The following NPIPB7 variants were observed in gnomAD, a reference collection of about 807,000 sequenced individuals.
NPIPB7 encodes the protein nuclear pore complex interacting protein family member B7.
For synonymous variants in NPIPB7, 9 were observed against 88.1 expected (o/e 0.10, Z 5.03); for missense variants, 14 against 238.5 (o/e 0.06, Z 6.20).
intron 1 of NPIPB7, among the ~76,000 whole-genome samples, chr16:28,469,116 T>C (rs2141684499): frequency 9.0e-6 from 1 of 110,858 alleles, no homozygotes; most frequent in East Asian, 2.4e-4. Flanking sequence ...AATGATGGAG[T>C]TAGAGAACCA....
intron 1 of NPIPB7, chr16:28,469,858 G>C (rs1464655660): frequency 1.6e-4 from 48 of 302,688 alleles, no homozygotes; most frequent in Non-Finnish European, 2.6e-4. Context: ...TGTAATCTGA[G>C]CTACTCAGGA....
In NPIPB7 at chr16:28,461,185, A is replaced by T. The variant is rs941078664; in HGVS notation, c.545+1489T>A. ...AAAACAAGTGGATTGAGGGTCTGCC[A>T]ATGAAAGCGACCCGTACTGAAATCC... On this transcript the variant is annotated intron_variant, in intron 4 of 6. Coordinates refer to ENST00000452313, the Ensembl canonical transcript of NPIPB7. Among the ~76,000 whole-genome samples, 7 of 150,524 alleles carry T rather than the reference A, an allele frequency of 4.7e-5. 1 individual carries two copies. The highest frequency in any genetic ancestry group is 3.3e-4 in the Admixed American group (5 of 15,088).
At chr16:28,463,613 C>G (rs1347689330) in intron 2 of NPIPB7, among the ~76,000 whole-genome samples, 1 of 145,202 alleles carries the variant, frequency 6.9e-6, no homozygotes, top group Non-Finnish European at 1.5e-5. Flanking sequence ...GTAGTCCCAG[C>G]TAGTCGGGAG....
chr16:28,469,974 A>G (rs1426948701), intron 1 of NPIPB7, among the ~76,000 whole-genome samples: 2 of 148,752 alleles, frequency 1.3e-5, no homozygotes, highest in Admixed American at 6.6e-5. Flanking sequence ...TCTGTCTAAA[A>G]AAAAAAAAAA....
At chr16:28,463,431 AC>A (rs1165790198) in intron 2 of NPIPB7, among the ~76,000 whole-genome samples, 1 of 113,770 alleles carries the variant, frequency 8.8e-6, no homozygotes, top group Non-Finnish European at 1.8e-5. Context: ...ACACACACAC[AC>A]AAGAATGACA....
At chr16:28,462,019 C>T (rs2045873687) in intron 4 of NPIPB7, among the ~76,000 whole-genome samples, 2 of 145,818 alleles carry the variant, frequency 1.4e-5, no homozygotes, top group African/African-American at 2.6e-5. Context: ...ACTCAGGAAG[C>T]TGAGGCAGAA....
chr16:28,463,708 C>T (rs1394248337), intron 2 of NPIPB7, among the ~76,000 whole-genome samples: 1 of 36,992 alleles, frequency 2.7e-5, no homozygotes, highest in Non-Finnish European at 5.8e-5. Flanking sequence ...ACCTGGGCAA[C>T]AAAATTGAAA....
intron 4 of NPIPB7, among the ~76,000 whole-genome samples, chr16:28,461,308 T>A (rs1278561700): frequency 1.5e-5 from 2 of 134,758 alleles, no homozygotes; most frequent in African/African-American, 5.5e-5. Context: ...ACCGACGACC[T>A]CAATTGCAGC....
intron 1 of NPIPB7, chr16:28,469,600 A>AAAAT (rs1260609826): frequency 9.8e-6 from 2 of 203,718 alleles, no homozygotes; most frequent in East Asian, 1.8e-4. Flanking sequence ...CTGTCTCAAA[A>AAAAT]AAATAAATAA....
upstream of NPIPB7, among the ~76,000 whole-genome samples, chr16:28,470,751 G>A (rs1278131349): frequency 3.2e-4 from 48 of 150,542 alleles, no homozygotes; most frequent in Middle Eastern, 3.4e-3. Context: ...GAAAGGATCC[G>A]GTTCAAATTA....
chr16:28,463,777 CT>C (rs549169498), intron 2 of NPIPB7, among the ~76,000 whole-genome samples: 740 of 133,586 alleles, frequency 5.5e-3, no homozygotes, highest in African/African-American at 0.018. Context: ...TAGCTCACGC[CT>C]GTAATCCCAG....
chr16:28,463,655 A>G (rs61577784), intron 2 of NPIPB7, among the ~76,000 whole-genome samples: 18,145 of 86,060 alleles, frequency 0.21, 1,549 homozygotes, highest in Non-Finnish European at 0.23. Flanking sequence ...GAACCCAGCA[A>G]GAAAAGGTTG....
chr16:28,465,545 G>A (rs1314896139), intron 2 of NPIPB7, among the ~76,000 whole-genome samples: 1 of 144,562 alleles, frequency 6.9e-6, no homozygotes, highest in East Asian at 2.0e-4. Flanking sequence ...AAAATTCTCT[G>A]TTCAGGACTA....
chr16:28,464,461 G>A (rs1229426726), intron 2 of NPIPB7, among the ~76,000 whole-genome samples: 3 of 152,060 alleles, frequency 2.0e-5, no homozygotes, highest in African/African-American at 4.8e-5. Flanking sequence ...TCAGATGTGG[G>A]TCAGATACCT....
At chr16:28,462,408 T>A (rs1279869308) in intron 4 of NPIPB7, among the ~76,000 whole-genome samples, 2 of 141,414 alleles carry the variant, frequency 1.4e-5, no homozygotes, top group Non-Finnish European at 1.5e-5. Context: ...CAAAGCTCCA[T>A]CTCAGGAAAA....
upstream of NPIPB7, among the ~76,000 whole-genome samples, chr16:28,472,287 A>G (rs948182874): frequency 6.6e-6 from 1 of 150,478 alleles, no homozygotes; most frequent in African/African-American, 2.4e-5. Flanking sequence ...TGTGGTGGCT[A>G]ATTGGGAGGC....
In NPIPB7 at chr16:28,463,727, CAAAAAA is replaced by C. The variant is rs1199745082; in HGVS notation, c.250-652_250-647del. ...GGGCAACAAAATTGAAACTCTGTCT[CAAAAAA>C]AAAAAAAAAAAAAAAAAAATAGCCC... On this transcript the variant is annotated intron_variant, in intron 2 of 6. Coordinates refer to ENST00000452313, the Ensembl canonical transcript of NPIPB7. 5.7e-3 allele frequency among the ~76,000 whole-genome samples: 86 copies of C among 15,062 alleles called. 1 individual carries two copies. Among genetic ancestry groups the C allele is most frequent in the South Asian group, 0.018 (3 of 164 alleles). 9.9% of individuals were successfully genotyped at this position (15,062 alleles called of 152,430 possible). A position where few individuals can be genotyped will look rare whatever the true frequency, so the allele number is the denominator to read the frequency against.
At chr16:28,462,125 A>T (rs1416870337) in intron 4 of NPIPB7, among the ~76,000 whole-genome samples, 103 of 53,844 alleles carry the variant, frequency 1.9e-3, no homozygotes, top group African/African-American at 4.7e-3. Flanking sequence ...TCAAAATTTA[A>T]AAAAAAAAAA....
Position 28,465,643 on chromosome 16 carries a change from A to G in NPIPB7, c.249+1077T>C, listed in dbSNP as rs1291549057. 7.8e-5 allele frequency among the ~76,000 whole-genome samples: 9 copies of G among 115,222 alleles called. No individual in the cohort carries two copies. In the Admixed American group the frequency reaches 9.0e-4, roughly 12 times the overall value. The allele number at this position is 115,222 out of a possible 152,430, so 75.6% of individuals were successfully genotyped here. ...TACATATCTTGAAAGGCAGTGCCAA[A>G]TGACGTGTAATTATCTAGGTGGTAA... is the stretch of plus-strand genomic sequence containing the variant. On this transcript the variant is annotated intron_variant, in intron 2 of 6. Transcript: ENST00000452313.
Sources: gnomAD v4.1 joint callset for allele counts (sites outside exome capture counted in the v4.1 genomes callset) on GRCh38, gnomAD v4.1.1 for gene constraint, MANE v1.5 for transcripts, NCBI Gene and HGNC (gene_info 2026-07-23, HGNC 2026-07-21) for gene names.